Variants in TNFAIP3 observed in about 807,000 individuals in gnomAD.
TNFAIP3 encodes the protein TNF alpha induced protein 3, also known as tumor necrosis factor alpha-induced protein 3.
Under a neutral mutation model 72.4 loss-of-function variants are expected in TNFAIP3, and 9 were observed. The observed-to-expected ratio is 0.12, with a 90% CI of 0.07 to 0.22. The LOEUF is 0.22. Ranked by LOEUF, TNFAIP3 falls within the 10% of genes least tolerant of loss-of-function variation. The pLI, the probability that TNFAIP3 is intolerant of heterozygous loss-of-function variation, is 1.00. For synonymous variants in TNFAIP3, 339 were observed against 372.6 expected, an observed-to-expected ratio of 0.91 and a Z score of 1.04; for missense variants, 833 against 1,018.7, an observed-to-expected ratio of 0.82 and a Z score of 2.48.
intron 8 of TNFAIP3, 70 bp downstream of exon 8, chr6:137,880,322 G>A (rs551298480): frequency 8.5e-6 from 13 of 1,530,308 alleles, no homozygotes; most frequent in Middle Eastern, 1.7e-4. Flanking sequence ...GTTTTCTACC[G>A]ACAGTGACAA....
chr6:137,873,345 G>A (rs1308424575), intron 2 of TNFAIP3, among the ~76,000 whole-genome samples: 1 of 152,174 alleles, frequency 6.6e-6, no homozygotes, highest in Non-Finnish European at 1.5e-5. Context: ...AATGAGGAAG[G>A]GAGTAGGTGG....
In TNFAIP3 at chr6:137,871,647, C is replaced by T. The variant is rs1223430155; in HGVS notation, c.295+125C>T. 1.9e-6 allele frequency: 2 copies of T among 1,033,778 alleles called. No individual in the cohort carries two copies. Among genetic ancestry groups the T allele is most frequent in the East Asian group, 2.4e-5 (1 of 40,954 alleles). 64.0% of individuals were successfully genotyped at this position (1,033,778 alleles called of 1,614,324 possible). On this transcript the variant is annotated intron_variant, in intron 2 of 8. Coordinates refer to ENST00000612899, the MANE Select transcript of TNFAIP3 (RefSeq NM_001270508.2). The surrounding 1 kb of genome is among the most constrained non-coding windows in gnomAD (Gnocchi z 4.2). ...CAATCTTGAGATTTAGTATTGAGAC[C>T]TTTATATAGAATCTCTATTCGGGGT...
At chr6:137,875,583 AGC>A (rs1776219659) in intron 3 of TNFAIP3, 103 bp from the exon 4 acceptor site, 1 of 1,342,822 alleles carries the variant, frequency 7.4e-7, no homozygotes, top group Admixed American at 2.5e-5. Context: ...GGAAAAAATA[AGC>A]TGAGTTATAT....
At chr6:137,880,616 A>G (rs1776417298) in intron 8 of TNFAIP3, among the ~76,000 whole-genome samples, 1 of 143,104 alleles carries the variant, frequency 7.0e-6, no homozygotes, top group Admixed American at 7.2e-5. Context: ...ATCCTTTATC[A>G]TAAGGAGCGA....
chr6:137,880,854 A>G (rs557248657), intron 8 of TNFAIP3, among the ~76,000 whole-genome samples, 181 bp from the exon 9 acceptor site: 1 of 152,238 alleles, frequency 6.6e-6, no homozygotes, highest in Non-Finnish European at 1.5e-5. Context: ...TTGAGACTGG[A>G]AAGAAACATC....
rs1776471666 is a variant in TNFAIP3 at position 137,881,714 on chromosome 6, G to A, written c.*395G>A. On this transcript the variant is annotated 3_prime_UTR_variant, in exon 9 of 9. Coordinates refer to ENST00000612899, the MANE Select transcript of TNFAIP3 (RefSeq NM_001270508.2). The surrounding 1 kb of genome is among the most constrained non-coding windows in gnomAD (Gnocchi z 5.0). ...AAAAGACACACAAGTCGCGTGGGTT[G>A]GAGAAGCCAGAGCCATTCCACCTCC... 4.1e-6 allele frequency: 1 copy of A among 246,352 alleles called. No homozygotes were observed. Among genetic ancestry groups the A allele is most frequent in the Non-Finnish European group, 7.8e-6 (1 of 127,482 alleles). The allele number at this position is 246,352 out of a possible 1,614,324, so 15.3% of individuals were successfully genotyped here. A position where few individuals can be genotyped will look rare whatever the true frequency, so the allele number is the denominator to read the frequency against.
At chr6:137,878,356 T>C (rs924838867) in intron 6 of TNFAIP3, 76 bp from the exon 7 acceptor site, 6 of 1,324,618 alleles carry the variant, frequency 4.5e-6, no homozygotes, top group Non-Finnish European at 6.2e-6. Context: ...AAAACTTTGT[T>C]CTATGAGCTA....
rs1160364472 is a variant in TNFAIP3, at chr6:137,871,194, T to C, written c.-15-19T>C. The C allele has an allele frequency of 2.6e-6, 4 of 1,568,082 alleles. No homozygotes were observed. Among genetic ancestry groups the C allele is most frequent in the South Asian group, 2.4e-5 (2 of 82,528 alleles). ...GTCAGGCTAATAGAATGGCTTTTTTTTTTTCCTTTCCTTTTCAGGTGTTGG... is the reference window on the plus strand; with the variant it reads ...GTCAGGCTAATAGAATGGCTTTTTTCTTTTCCTTTCCTTTTCAGGTGTTGG... On this transcript the variant is annotated intron_variant, in intron 1 of 8. Coordinates refer to ENST00000612899, the MANE Select transcript of TNFAIP3 (RefSeq NM_001270508.2). The surrounding 1 kb of genome is among the most constrained non-coding windows in gnomAD (Gnocchi z 4.2).
chr6:137,879,143 T>TCCCTCGCGGCTCGTCCGGAGC lies in TNFAIP3; in HGVS notation c.1704_1724dup (p.Arg569_Ser575dup). On this transcript the variant is annotated inframe_insertion, in exon 7 of 9. Transcript: ENST00000612899. ...CCTGTCACCAGCGTTCCAAGTCAGA[T>TCCCTCGCGGCTCGTCCGGAGC]CCCTCGCGGCTCGTCCGGAGCCCCT... The TCCCTCGCGGCTCGTCCGGAGC allele has an allele frequency of 2.5e-6, 4 of 1,614,054 alleles. No homozygotes were observed. Among genetic ancestry groups the TCCCTCGCGGCTCGTCCGGAGC allele is most frequent in the Non-Finnish European group, 2.5e-6 (3 of 1,180,024 alleles).
Position 137,878,573 on chromosome 6 carries a change from C to T in TNFAIP3, c.1128C>T (p.Ser376=), listed in dbSNP as rs1156859188. ...EGHAQNPMEP[S]VPQLSLMDVK... ...ACGCCCAGAATCCCATGGAACCTTC[C>T]GTGCCCCAGCTTTCTCTCATGGATG... Residue 376 remains serine, a synonymous_variant, in exon 7 of 9, where the codon TCC becomes TCT. Transcript: ENST00000612899. 3.1e-6 allele frequency: 5 copies of T among 1,614,120 alleles called. No homozygotes were observed. The highest frequency in any genetic ancestry group is 1.3e-5 in the African/African-American group (1 of 74,940).
rs2114458508 is a variant in TNFAIP3, at chr6:137,871,306, G to C, written c.79G>C (p.Glu27Gln). ...KAVKIRERTP[E>Q]DIFKPTNGII... ...TGTGAAGATACGGGAGAGAACTCCA[G>C]AAGACATTTTTAAACCTACTAATGG... The change falls in exon 2 of 9, where the codon GAA becomes CAA. Residue 27 changes from glutamate (E) to glutamine (Q), a missense_variant. Glu to Gln is a conservative substitution (Grantham distance 29, BLOSUM62 2). Around this residue, in one of 2 missense-constraint regions of TNFAIP3, gnomAD observed 246 missense variants for 360.9 expected, o/e 0.68. Coordinates refer to ENST00000612899, the MANE Select transcript of TNFAIP3 (RefSeq NM_001270508.2). The surrounding 1 kb of genome is among the most constrained non-coding windows in gnomAD (Gnocchi z 4.2). 1 of 1,614,106 alleles carries C rather than the reference G, an allele frequency of 6.2e-7. No individual in the cohort carries two copies. Among genetic ancestry groups the C allele is most frequent in the South Asian group, 1.1e-5 (1 of 91,074 alleles).
chr6:137,870,506 C>T lies in TNFAIP3; in HGVS notation c.-15-707C>T, dbSNP rs5029932. 7.5e-3 allele frequency among the ~76,000 whole-genome samples: 1,137 copies of T among 152,308 alleles called. 14 individuals are homozygous for T. The highest frequency in any genetic ancestry group is 0.026 in the African/African-American group (1,075 of 41,548). On this transcript the variant is annotated intron_variant, in intron 1 of 8. Transcript: ENST00000612899. ...GCTGACTGCTCTTAAAATTGCAAAG[C>T]ATCTTGCTGGAAATGGACTTTTTTA... is the stretch of plus-strand genomic sequence containing the variant.
In TNFAIP3 at chr6:137,881,555, T is replaced by G; in HGVS notation, c.*236T>G. 1 of 436,878 alleles carries G rather than the reference T, an allele frequency of 2.3e-6. No individual in the cohort carries two copies. 27.1% of individuals were successfully genotyped at this position (436,878 alleles called of 1,614,324 possible). A position where few individuals can be genotyped will look rare whatever the true frequency, so the allele number is the denominator to read the frequency against. On this transcript the variant is annotated 3_prime_UTR_variant, in exon 9 of 9. Transcript: ENST00000612899. This position sits in a 1 kb window ranked among gnomAD's most constrained non-coding sequence, Gnocchi z 5.0. ...TAACTGGCAAGGGATGATGTCAGAT[T>G]CAGCCCAAGGTTCCTCCTCTCCTAC...
chr6:137,880,294 G>T (rs78919104), intron 8 of TNFAIP3, 42 bp downstream of exon 8: 1 of 1,607,420 alleles, frequency 6.2e-7, no homozygotes, highest in Admixed American at 1.7e-5. Flanking sequence ...CCGTGTGTTC[G>T]ATGCTTTTTG....
At chr6:137,880,961 C>T in intron 8 of TNFAIP3, 74 bp from the exon 9 acceptor site, 1 of 1,489,662 alleles carries the variant, frequency 6.7e-7, no homozygotes, top group East Asian at 2.3e-5. Flanking sequence ...AATGAGATTT[C>T]ATTGTGCTCT....
Position 137,882,778 on chromosome 6 carries a change from G to A in TNFAIP3, c.*1459G>A. The A allele has an allele frequency of 4.3e-6, 1 of 231,156 alleles. No homozygotes were observed. Among genetic ancestry groups the A allele is most frequent in the Non-Finnish European group, 8.6e-6 (1 of 116,700 alleles). 14.3% of individuals were successfully genotyped at this position (231,156 alleles called of 1,614,324 possible). On this transcript the variant is annotated 3_prime_UTR_variant, in exon 9 of 9. Transcript: ENST00000612899. ...CCTGGTATTGGGACAGCAAAAGCCA[G>A]TAACCATGAGTATGAGGAAATCTCT...
At position 137,882,410 on chromosome 6, in the gene TNFAIP3, A is replaced by G; in HGVS notation, c.*1091A>G. On this transcript the variant is annotated 3_prime_UTR_variant, in exon 9 of 9. Coordinates refer to ENST00000612899, the MANE Select transcript of TNFAIP3 (RefSeq NM_001270508.2). Reference sequence around the variant, plus strand: ...CTCCTGAGAGAACATCCTTGCTTTGAGTCAGGCTGTGGGCAAGTTCCTGAC... The same window carrying G: ...CTCCTGAGAGAACATCCTTGCTTTGGGTCAGGCTGTGGGCAAGTTCCTGAC... 4.3e-6 allele frequency: 1 copy of G among 232,988 alleles called. No homozygotes were observed. Among genetic ancestry groups the G allele is most frequent in the Non-Finnish European group, 8.5e-6 (1 of 117,812 alleles). 14.4% of individuals were successfully genotyped at this position (232,988 alleles called of 1,614,324 possible). A position where few individuals can be genotyped will look rare whatever the true frequency, so the allele number is the denominator to read the frequency against.
rs1439241152 is a variant in TNFAIP3 at position 137,878,726 on chromosome 6, T to C, written c.1281T>C (p.Pro427=). The C allele has an allele frequency of 1.2e-6, 2 of 1,613,754 alleles. No individual in the cohort carries two copies. Among genetic ancestry groups the C allele is most frequent in the Non-Finnish European group, 1.7e-6 (2 of 1,179,986 alleles). ...KLPKLNSKPG[P]EGLPGMALGA... ...CAAAGCTGAACTCCAAGCCGGGCCC[T>C]GAGGGGCTCCCTGGCATGGCGCTCG... Residue 427 remains proline (P), a synonymous_variant, in exon 7 of 9, where the codon CCT becomes CCC. Coordinates refer to ENST00000612899, the MANE Select transcript of TNFAIP3 (RefSeq NM_001270508.2).
chr6:137,873,052 A>G (rs1187774034), intron 2 of TNFAIP3, among the ~76,000 whole-genome samples: 4 of 152,236 alleles, frequency 2.6e-5, no homozygotes, highest in African/African-American at 9.6e-5. Flanking sequence ...ACTACAAATA[A>G]AACTACAAAA....
Sources: allele counts gnomAD v4.1 joint callset (sites outside exome capture counted in the v4.1 genomes callset), GRCh38; gene constraint gnomAD v4.1.1; regional missense constraint gnomAD v4.1.1; non-coding constraint Gnocchi (gnomAD v3.1); transcripts MANE v1.5; gene names NCBI Gene and HGNC (gene_info 2026-07-23, HGNC 2026-07-21).